Variants in PRKCA observed in about 807,000 individuals in gnomAD.
PRKCA encodes the protein protein kinase C alpha type.
Under a neutral mutation model 87.0 loss-of-function variants are expected in PRKCA, and 27 were observed. The observed-to-expected ratio is 0.31, with a 90% CI of 0.23 to 0.43. PRKCA has a LOEUF of 0.43. PRKCA is among the 20% of genes least tolerant of loss of function. The pLI is 1.00. For missense variants in PRKCA, 518 were observed against 852.3 expected (o/e 0.61, Z 4.88); for synonymous variants, 329 against 311.1 (o/e 1.06, Z -0.61).
At chr17:66,676,368 G>A (rs1167694249) in intron 5 of PRKCA, 3 of 152,146 alleles carry the variant, frequency 2.0e-5, no homozygotes, top group East Asian at 1.9e-4. Flanking sequence ...CAAGCTGTTC[G>A]GAGGGTACTT....
At chr17:66,321,488 A>C (rs926849131) in intron 2 of PRKCA, among the ~76,000 whole-genome samples, 1 of 152,188 alleles carries the variant, frequency 6.6e-6, no homozygotes, top group Non-Finnish European at 1.5e-5. Flanking sequence ...TGTGCCTGCT[A>C]TATGGATGTT....
intron 8 of PRKCA, among the ~76,000 whole-genome samples, chr17:66,727,146 G>A (rs1973774650): frequency 6.6e-6 from 1 of 152,196 alleles, no homozygotes; most frequent in Admixed American, 6.5e-5. Flanking sequence ...CTCAGCTGGT[G>A]TCCAGGCTCT....
At chr17:66,621,710 C>A (rs1223090515) in intron 3 of PRKCA, among the ~76,000 whole-genome samples, 2 of 152,186 alleles carry the variant, frequency 1.3e-5, no homozygotes, top group East Asian at 3.9e-4. Flanking sequence ...ACAGAAACCT[C>A]CAAGAATGGC....
chr17:66,706,506 G>A (rs1270344803), intron 8 of PRKCA, among the ~76,000 whole-genome samples: 4 of 151,638 alleles, frequency 2.6e-5, no homozygotes, highest in Non-Finnish European at 5.9e-5. Flanking sequence ...AGCCAGGCAT[G>A]ATGGCAGGCA....
chr17:66,389,102 G>A (rs1021936043), intron 2 of PRKCA, among the ~76,000 whole-genome samples: 6 of 152,150 alleles, frequency 3.9e-5, no homozygotes, highest in African/African-American at 7.2e-5. Context: ...ATAAAACGGC[G>A]CGGCACCTTC....
At position 66,424,568 on chromosome 17, in the gene PRKCA, A is replaced by AACACACACACACACACACACACAC. The variant is rs141074503; in HGVS notation, c.206-71625_206-71602dup. 3.8e-3 allele frequency among the ~76,000 whole-genome samples: 545 copies of AACACACACACACACACACACACAC among 142,028 alleles called. 6 individuals are homozygous for AACACACACACACACACACACACAC. The highest frequency in any genetic ancestry group is 0.01 in the African/African-American group (391 of 37,576). 93.2% of individuals were successfully genotyped at this position (142,028 alleles called of 152,430 possible). On this transcript the variant is annotated intron_variant, in intron 2 of 16. Transcript: ENST00000413366. ...GGCAGCAGAGCACGACCCTGTCTCA[A>AACACACACACACACACACACACAC]ACACACACACACACACACACACACA...
chr17:66,712,253 C>G (rs978797434), intron 8 of PRKCA, among the ~76,000 whole-genome samples: 1 of 152,210 alleles, frequency 6.6e-6, no homozygotes. Flanking sequence ...ATTGCACCCC[C>G]TGCTACTTCA....
chr17:66,341,624 AAAGG>A (rs1907050491), intron 2 of PRKCA, among the ~76,000 whole-genome samples: 1 of 152,206 alleles, frequency 6.6e-6, no homozygotes, highest in African/African-American at 2.4e-5. Flanking sequence ...TCAAAGAAAG[AAAGG>A]GACTGTTTTC....
chr17:66,567,466 G>A (rs1354213261), intron 3 of PRKCA, among the ~76,000 whole-genome samples: 1 of 152,170 alleles, frequency 6.6e-6, no homozygotes, highest in East Asian at 1.9e-4. Flanking sequence ...AGGAGATCCT[G>A]CCAGGCCACA....
At chr17:66,361,166 G>A (rs1908365240) in intron 2 of PRKCA, among the ~76,000 whole-genome samples, 1 of 152,022 alleles carries the variant, frequency 6.6e-6, no homozygotes, top group African/African-American at 2.4e-5. Context: ...GAATGAACTT[G>A]TCCTTGGGTA....
Position 66,302,766 on chromosome 17 carries a change from C to T in PRKCA, c.-86C>T. 1 of 1,259,904 alleles carries T rather than the reference C, an allele frequency of 7.9e-7. No individual in the cohort carries two copies. Among genetic ancestry groups the T allele is most frequent in the Non-Finnish European group, 1.0e-6 (1 of 974,436 alleles). The allele number at this position is 1,259,904 out of a possible 1,614,324, so 78.0% of individuals were successfully genotyped here. On this transcript the variant is annotated 5_prime_UTR_variant, in exon 1 of 17. Coordinates refer to ENST00000413366, the MANE Select transcript of PRKCA (RefSeq NM_002737.3). Reference sequence around the variant, plus strand: ...CCCCGCGCCCGGGGTCGCCCCGAGCCCGCACCTCTCCCCCGCCGCCCCCGC... The same window carrying T: ...CCCCGCGCCCGGGGTCGCCCCGAGCTCGCACCTCTCCCCCGCCGCCCCCGC...
At chr17:66,329,622 G>A (rs950294706) in intron 2 of PRKCA, among the ~76,000 whole-genome samples, 1 of 152,166 alleles carries the variant, frequency 6.6e-6, no homozygotes, top group African/African-American at 2.4e-5. Context: ...CAGGAGCTGT[G>A]GTGTTAGGAA....
intron 2 of PRKCA, among the ~76,000 whole-genome samples, chr17:66,484,741 G>T (rs1260119588): frequency 6.6e-6 from 1 of 152,088 alleles, no homozygotes; most frequent in African/African-American, 2.4e-5. Context: ...TTTAATAATT[G>T]TCAACTATTA....
intron 5 of PRKCA, among the ~76,000 whole-genome samples, chr17:66,653,759 C>A (rs1366629881): frequency 6.9e-6 from 1 of 145,452 alleles, no homozygotes; most frequent in Non-Finnish European, 1.5e-5. Context: ...TTTAAAGACA[C>A]CAGCTTCTAT....
intron 2 of PRKCA, among the ~76,000 whole-genome samples, chr17:66,312,814 C>T (rs893951150): frequency 1.4e-5 from 2 of 147,702 alleles, no homozygotes; most frequent in African/African-American, 5.0e-5. Context: ...TCTCACTTCA[C>T]TGCAACCTTT....
chr17:66,411,011 A>G (rs1911764111), intron 2 of PRKCA, among the ~76,000 whole-genome samples: 1 of 152,142 alleles, frequency 6.6e-6, no homozygotes, highest in Non-Finnish European at 1.5e-5. Context: ...TGATCTGTGC[A>G]TAGACTTAGT....
Position 66,809,642 on chromosome 17 carries a change from T to G in PRKCA, c.*5605T>G, listed in dbSNP as rs1021759406. On this transcript the variant is annotated 3_prime_UTR_variant, in exon 17 of 17. Transcript: ENST00000413366. ...GCCAGATTTTCCCATGCTCCTAGGG[T>G]ATGGAGTCCACGTGGGAATGACTGC... is the stretch of plus-strand genomic sequence containing the variant. The G allele has an allele frequency of 6.6e-6, 1 of 151,940 alleles. No individual in the cohort carries two copies. The highest frequency in any genetic ancestry group is 6.6e-5 in the Admixed American group (1 of 15,254). The allele number at this position is 151,940 out of a possible 1,614,324, so 9.4% of individuals were successfully genotyped here.
At chr17:66,534,079 C>A (rs12103783) in intron 3 of PRKCA, among the ~76,000 whole-genome samples, 9,152 of 149,446 alleles carry the variant, frequency 0.061, 577 homozygotes, top group African/African-American at 0.19. Context: ...GCACCCCCCC[C>A]AAAAAAATTA....
rs550444819 is a variant in PRKCA at position 66,304,531 on chromosome 17, G to A, written c.173+1507G>A. Among the ~76,000 whole-genome samples, 3 of 152,250 alleles carry A rather than the reference G, an allele frequency of 2.0e-5. No homozygotes were observed. The South Asian group carries it at 6.2e-4, about 32-fold the overall frequency. On this transcript the variant is annotated intron_variant, in intron 1 of 16. Coordinates refer to ENST00000413366, the MANE Select transcript of PRKCA (RefSeq NM_002737.3). The stretch of plus-strand genomic sequence containing the variant: ...GGGAGCTGCACAGGGTGGCAGTCAC[G>A]GAGTGAATCCTGCCACCAGCCAGCT...
Sources: gnomAD v4.1 joint callset for allele counts (sites outside exome capture counted in the v4.1 genomes callset) on GRCh38, gnomAD v4.1.1 for gene constraint, MANE v1.5 for transcripts, NCBI Gene and HGNC (gene_info 2026-07-23, HGNC 2026-07-21) for gene names.